ROBO1: variants seen among roughly 807,000 people sequenced by gnomAD.
ROBO1 encodes the protein roundabout guidance receptor 1, also known as roundabout homolog 1.
ROBO1 carries 149 observed loss-of-function variants against 195.9 expected under a neutral mutation model. That is an observed-to-expected ratio of 0.76 (90% CI 0.67 to 0.87). The LOEUF is 0.87. Among genes scored for constraint, ROBO1 ranks in the 40% least tolerant of loss-of-function variants. The probability of loss-of-function intolerance (pLI) is 0.00; values close to 1 mark genes in which losing one functional copy is unlikely to be tolerated. For missense variants in ROBO1, 1,933 were observed against 2,068.3 expected, an observed-to-expected ratio of 0.93 and a Z score of 1.27; for synonymous variants, 816 against 733.2, an observed-to-expected ratio of 1.11 and a Z score of -1.82.
intron 3 of ROBO1, among the ~76,000 whole-genome samples, chr3:78,939,342 CG>C (rs1560022951): frequency 6.6e-6 from 1 of 151,840 alleles, no homozygotes; most frequent in East Asian, 1.9e-4. Flanking sequence ...TGGCCCGGCG[CG>C]GGGGCTCACG....
chr3:79,138,635 G>GT (rs1394689022), intron 2 of ROBO1, among the ~76,000 whole-genome samples: 2 of 151,508 alleles, frequency 1.3e-5, no homozygotes, highest in Non-Finnish European at 1.5e-5. Flanking sequence ...ACTGGTAAGA[G>GT]TTTTTTTTCT....
At chr3:79,068,534 G>GA (rs1013406945) in intron 3 of ROBO1, among the ~76,000 whole-genome samples, 3 of 151,380 alleles carry the variant, frequency 2.0e-5, no homozygotes, top group Non-Finnish European at 3.0e-5. Context: ...AGAATTTCCT[G>GA]AAAAAAATCT....
At chr3:79,302,930 T>C (rs1404855452) in intron 2 of ROBO1, among the ~76,000 whole-genome samples, 3 of 152,146 alleles carry the variant, frequency 2.0e-5, no homozygotes, top group African/African-American at 7.2e-5. Context: ...TGGGTATCCT[T>C]TGTGTCACCC....
rs1363294357 is a variant in ROBO1 at position 78,685,793 on chromosome 3, T to C, written c.1295A>G (p.Asn432Ser). Residue 432 changes from asparagine to serine, a missense_variant, in exon 10 of 31, where the codon AAT (asparagine) becomes AGT (serine). Physicochemically the swap from Asn to Ser is conservative, Grantham distance 46. Transcript: ENST00000464233. Reference sequence around the variant, plus strand: ...CTTTGTGATGATGCTTCCAGCAACATTTAAAGTCTGGCAGATGTAATAACC... The same window carrying C: ...CTTTGTGATGATGCTTCCAGCAACACTTAAAGTCTGGCAGATGTAATAACC... ...DVGYYICQTL[N>S]VAGSIITKAY... 6.2e-7 allele frequency: 1 copy of C among 1,612,496 alleles called. No individual in the cohort carries two copies. The highest frequency in any genetic ancestry group is 2.2e-5 in the East Asian group (1 of 44,824).
At chr3:79,458,239 G>A (rs968986570) in intron 2 of ROBO1, among the ~76,000 whole-genome samples, 2 of 152,184 alleles carry the variant, frequency 1.3e-5, no homozygotes, top group Non-Finnish European at 2.9e-5. Context: ...CAGCAGTAGA[G>A]GCAAGGAAAT....
chr3:79,684,201 A>C (rs1475682710), intron 1 of ROBO1, among the ~76,000 whole-genome samples: 1 of 152,174 alleles, frequency 6.6e-6, no homozygotes, highest in Non-Finnish European at 1.5e-5. Flanking sequence ...TAATGATTAA[A>C]GATGTTCAGC....
chr3:79,533,750 G>GT (rs1267898213), intron 2 of ROBO1, among the ~76,000 whole-genome samples: 1 of 152,082 alleles, frequency 6.6e-6, no homozygotes, highest in Non-Finnish European at 1.5e-5. Context: ...GCAGAAAAGT[G>GT]TTTTAAGTAT....
At chr3:78,786,784 T>C (rs1276063233) in intron 4 of ROBO1, among the ~76,000 whole-genome samples, 2 of 152,216 alleles carry the variant, frequency 1.3e-5, no homozygotes, top group Non-Finnish European at 2.9e-5. Flanking sequence ...TATGGAATTG[T>C]TGAGTCCATT....
chr3:79,173,193 C>A (rs1393856671), intron 2 of ROBO1, among the ~76,000 whole-genome samples: 2 of 152,096 alleles, frequency 1.3e-5, no homozygotes, highest in African/African-American at 2.4e-5. Context: ...TCACAGCCCT[C>A]ACTCGCTCTC....
At chr3:79,693,713 T>C (rs1947362671) in intron 1 of ROBO1, among the ~76,000 whole-genome samples, 3 of 151,796 alleles carry the variant, frequency 2.0e-5, no homozygotes, top group South Asian at 2.1e-4. Context: ...ACTGGGATTA[T>C]AGGTGTGAGC....
rs113140207 is a variant in ROBO1, at chr3:79,689,073, C to T, written c.-51+78679G>A. ...TTATATCTTTAACTTACTGAACACG[C>T]GTTTTTTATATATAGTCATCGAAAA... On this transcript the variant is annotated intron_variant, in intron 1 of 30. Coordinates refer to ENST00000464233, the MANE Select transcript of ROBO1 (RefSeq NM_002941.4). Among the ~76,000 whole-genome samples the T allele has an allele frequency of 5.6e-4, 85 of 151,846 alleles. No individual in the cohort carries two copies. In the East Asian group the frequency reaches 0.015, roughly 27 times the overall value.
At chr3:79,738,192 CACAGTCCCAGCATCT>C (rs1242405749) in intron 1 of ROBO1, among the ~76,000 whole-genome samples, 1 of 152,124 alleles carries the variant, frequency 6.6e-6, no homozygotes, top group East Asian at 1.9e-4. Context: ...TGTACTCTTT[CACAGTCCCAGCATCT>C]ACAATAAACA....
At position 79,283,210 on chromosome 3, in the gene ROBO1, T is replaced by C. The variant is rs559055066; in HGVS notation, c.89-157671A>G. On this transcript the variant is annotated intron_variant, in intron 2 of 30. Transcript: ENST00000464233. ...ATAGATGGGGACACTAAGTACTGAG[T>C]ACTACCAGCTGGGAGAGGGATGGAG... 1.2e-4 allele frequency among the ~76,000 whole-genome samples: 19 copies of C among 152,278 alleles called. No homozygotes were observed. In the South Asian group the frequency reaches 3.1e-3, roughly 25 times the overall value.
At chr3:79,138,459 TTATC>T (rs1357272214) in intron 2 of ROBO1, among the ~76,000 whole-genome samples, 1 of 152,092 alleles carries the variant, frequency 6.6e-6, no homozygotes, top group Non-Finnish European at 1.5e-5. Context: ...TGTCATATAC[TTATC>T]TATCTAAAAT....
At chr3:79,139,664 A>T (rs2080482756) in intron 2 of ROBO1, among the ~76,000 whole-genome samples, 1 of 152,202 alleles carries the variant, frequency 6.6e-6, no homozygotes, top group Non-Finnish European at 1.5e-5. Context: ...GTTGGAATTT[A>T]ATCTGCAGAG....
At chr3:78,988,094 T>C (rs984496576) in intron 3 of ROBO1, among the ~76,000 whole-genome samples, 2 of 152,150 alleles carry the variant, frequency 1.3e-5, no homozygotes, top group African/African-American at 4.8e-5. Flanking sequence ...TCATGGATAG[T>C]GAAATAATCT....
intron 20 of ROBO1, among the ~76,000 whole-genome samples, chr3:78,646,867 A>G (rs1706327599): frequency 6.6e-6 from 1 of 152,042 alleles, no homozygotes; most frequent in African/African-American, 2.4e-5. Flanking sequence ...AAATTTAACC[A>G]TAACAAAAAA....
chr3:79,216,554 A>G (rs1003031665), intron 2 of ROBO1, among the ~76,000 whole-genome samples: 4 of 151,936 alleles, frequency 2.6e-5, no homozygotes, highest in African/African-American at 9.7e-5. Context: ...TGACCAAGGG[A>G]TCCTTTTCCC....
intron 3 of ROBO1, among the ~76,000 whole-genome samples, chr3:78,978,352 T>C (rs1419994588): frequency 6.6e-6 from 1 of 152,120 alleles, no homozygotes; most frequent in Non-Finnish European, 1.5e-5. Flanking sequence ...CTAGACTAGG[T>C]GTCTTCAGTT....
Sources: allele counts gnomAD v4.1 joint callset (sites outside exome capture counted in the v4.1 genomes callset), GRCh38; gene constraint gnomAD v4.1.1; transcripts MANE v1.5; gene names NCBI Gene and HGNC (gene_info 2026-07-23, HGNC 2026-07-21).